The following STXBP5 variants were observed in gnomAD, a reference collection of about 807,000 sequenced individuals.
STXBP5 encodes syntaxin-binding protein 5.
In STXBP5, 50 loss-of-function variants were observed where a neutral mutation model predicts 152.4. That is an observed-to-expected ratio of 0.33 (90% CI 0.26 to 0.42). STXBP5 has a LOEUF of 0.42. STXBP5 is among the 10% of genes least tolerant of loss of function. The pLI, the probability that STXBP5 is intolerant of heterozygous loss-of-function variation, is 1.00. For missense variants in STXBP5, 1,167 were observed against 1,388.6 expected (o/e 0.84, Z 2.54); for synonymous variants, 492 against 494.7 (o/e 0.99, Z 0.07).
chr6:147,361,667 A>G (rs550684160), intron 23 of STXBP5, among the ~76,000 whole-genome samples: 6 of 152,320 alleles, frequency 3.9e-5, no homozygotes, highest in Admixed American at 1.3e-4. Context: ...CCCATCAACT[A>G]TAGGACAAGC....
intron 16 of STXBP5, among the ~76,000 whole-genome samples, chr6:147,320,096 A>G (rs1782845937): frequency 6.6e-6 from 1 of 152,080 alleles, no homozygotes; most frequent in Admixed American, 6.6e-5. Context: ...TCGGCCTCCC[A>G]AAGTGCTGGG....
intron 2 of STXBP5, among the ~76,000 whole-genome samples, chr6:147,228,393 T>G (rs1777836148): frequency 6.7e-6 from 1 of 149,734 alleles, no homozygotes; most frequent in East Asian, 1.9e-4. Context: ...CGCTTGTTTG[T>G]TTTTTTTTGT....
intron 2 of STXBP5, 132 bp from the exon 3 acceptor site, chr6:147,235,118 C>T (rs1778205065): frequency 4.3e-6 from 3 of 691,502 alleles, no homozygotes; most frequent in Non-Finnish European, 7.2e-6. Flanking sequence ...AAACCTAACT[C>T]TAAATCTCAA....
chr6:147,314,182 TACACAC>T (rs5880705), intron 12 of STXBP5, 76 bp from the exon 13 acceptor site: 63 of 945,200 alleles, frequency 6.7e-5, no homozygotes, highest in African/African-American at 2.8e-4. Context: ...CTGGATTATT[TACACAC>T]ACACACACAC....
chr6:147,236,439 G>C (rs907079446), intron 3 of STXBP5, among the ~76,000 whole-genome samples: 2 of 152,102 alleles, frequency 1.3e-5, no homozygotes, highest in African/African-American at 4.8e-5. Flanking sequence ...AATAGTTTCA[G>C]AGAGAGTCTG....
At chr6:147,384,684 A>G in intron 27 of STXBP5, 30 bp from the exon 28 acceptor site, 2 of 1,598,136 alleles carry the variant, frequency 1.3e-6, no homozygotes, top group Non-Finnish European at 1.7e-6. Flanking sequence ...GCATTTTAAA[A>G]GCATGTTTTT....
intron 20 of STXBP5, 40 bp downstream of exon 20, chr6:147,339,278 A>C (rs1349805113): frequency 3.0e-5 from 45 of 1,509,478 alleles, no homozygotes; most frequent in Non-Finnish European, 3.8e-5. Flanking sequence ...TTTTATGTTT[A>C]ATTTATTTAG....
intron 22 of STXBP5, among the ~76,000 whole-genome samples, chr6:147,357,842 TG>T (rs2128410683): frequency 6.6e-6 from 1 of 152,198 alleles, no homozygotes; most frequent in Admixed American, 6.6e-5. Flanking sequence ...TTTACTGGTT[TG>T]GGGGAAATTA....
intron 19 of STXBP5, among the ~76,000 whole-genome samples, 193 bp from the exon 20 acceptor site, chr6:147,338,986 T>C (rs1047549145): frequency 3.9e-5 from 6 of 151,916 alleles, no homozygotes; most frequent in Non-Finnish European, 5.9e-5. Flanking sequence ...ATGAAAGATA[T>C]TGCACTACTT....
chr6:147,233,593 A>G (rs1477174352), intron 2 of STXBP5, among the ~76,000 whole-genome samples: 1 of 151,830 alleles, frequency 6.6e-6, no homozygotes, highest in Non-Finnish European at 1.5e-5. Flanking sequence ...AATGGGAATT[A>G]TAAAATATGC....
At chr6:147,205,912 T>G in intron 1 of STXBP5, 59 bp from the exon 2 acceptor site, 1 of 1,353,018 alleles carries the variant, frequency 7.4e-7, no homozygotes, top group Non-Finnish European at 1.1e-6. Context: ...CTATTGACTT[T>G]CTATTTTAAA....
chr6:147,307,984 C>T (rs971343490), intron 9 of STXBP5, among the ~76,000 whole-genome samples: 3 of 152,076 alleles, frequency 2.0e-5, no homozygotes, highest in Admixed American at 6.6e-5. Context: ...TATAATCTCT[C>T]TTCATTGTTC....
At chr6:147,310,957 A>G (rs1372293859) in intron 10 of STXBP5, among the ~76,000 whole-genome samples, 1 of 152,152 alleles carries the variant, frequency 6.6e-6, no homozygotes, top group Non-Finnish European at 1.5e-5. Context: ...ATTGACACAT[A>G]CAATTAACCA....
At chr6:147,348,158 A>G (rs1784423599) in intron 21 of STXBP5, among the ~76,000 whole-genome samples, 1 of 152,220 alleles carries the variant, frequency 6.6e-6, no homozygotes, top group Non-Finnish European at 1.5e-5. Context: ...ATTCAGTTTC[A>G]GCAGGAATTA....
At chr6:147,369,780 G>A (rs1317756974) in intron 25 of STXBP5, among the ~76,000 whole-genome samples, 1 of 151,950 alleles carries the variant, frequency 6.6e-6, no homozygotes, top group East Asian at 1.9e-4. Context: ...AGAATACCAT[G>A]CCAAGTTTTG....
At chr6:147,334,077 A>T in intron 18 of STXBP5, 80 bp from the exon 19 acceptor site, 2 of 1,373,786 alleles carry the variant, frequency 1.5e-6, no homozygotes, top group African/African-American at 1.4e-5. Flanking sequence ...GACAGTAGTT[A>T]AATGTGTACT....
chr6:147,263,146 C>T (rs895831808), intron 6 of STXBP5, among the ~76,000 whole-genome samples: 1 of 151,754 alleles, frequency 6.6e-6, no homozygotes, highest in African/African-American at 2.4e-5. Context: ...TAACACTGTT[C>T]TCTTAGTTTG....
At chr6:147,270,498 T>C (rs1780112002) in intron 7 of STXBP5, among the ~76,000 whole-genome samples, 1 of 151,806 alleles carries the variant, frequency 6.6e-6, no homozygotes, top group African/African-American at 2.4e-5. Context: ...AAAGAAAAAT[T>C]TGTCAACCTA....
At chr6:147,270,515 T>C (rs1001904787) in intron 7 of STXBP5, among the ~76,000 whole-genome samples, 1 of 151,828 alleles carries the variant, frequency 6.6e-6, no homozygotes, top group Non-Finnish European at 1.5e-5. Flanking sequence ...CCTAGAACTT[T>C]ATACCTGGTG....
Sources: gnomAD v4.1 joint callset for allele counts (sites outside exome capture counted in the v4.1 genomes callset) on GRCh38, gnomAD v4.1.1 for gene constraint, MANE v1.5 for transcripts, NCBI Gene and HGNC (gene_info 2026-07-23, HGNC 2026-07-21) for gene names.